WWOX: variants seen among roughly 807,000 people sequenced by gnomAD.
WWOX encodes WW domain containing oxidoreductase, also known as WW domain-containing oxidoreductase.
Under a neutral mutation model 46.2 loss-of-function variants are expected in WWOX, and 69 were observed. That is an observed-to-expected ratio of 1.49 (90% confidence interval 1.23 to 1.82). WWOX has a LOEUF of 1.82. Among genes scored for constraint, WWOX ranks in the 40% most tolerant of loss-of-function variants. The pLI, the probability that WWOX is intolerant of heterozygous loss-of-function variation, is 0.00. For missense variants in WWOX, 919 were observed against 542.6 expected (o/e 1.69, Z -6.89); for synonymous variants, 359 against 202.6 (o/e 1.77, Z -6.56).
chr16:78,756,737 G>C (rs2049658317), intron 8 of WWOX, among the ~76,000 whole-genome samples: 1 of 152,144 alleles, frequency 6.6e-6, no homozygotes, highest in African/African-American at 2.4e-5. Flanking sequence ...GGTGGACAAA[G>C]AATCAAACCT....
intron 5 of WWOX, among the ~76,000 whole-genome samples, chr16:78,194,724 C>T (rs1416005469): frequency 1.3e-5 from 2 of 152,138 alleles, no homozygotes; most frequent in Non-Finnish European, 2.9e-5. Context: ...ACCCCCAACC[C>T]CAAACCCCTA....
At chr16:79,127,399 C>G (rs1337820293) in intron 8 of WWOX, among the ~76,000 whole-genome samples, 1 of 152,128 alleles carries the variant, frequency 6.6e-6, no homozygotes, top group Non-Finnish European at 1.5e-5. Flanking sequence ...TTTTGCTTGA[C>G]AATATATCTT....
rs577577167 is a variant in WWOX at position 79,171,892 on chromosome 16, C to T, written c.1057-39716C>T. ...CACAGAAGCTTTTAAAATCTGAAAT[C>T]CCAGGAAGCTAATTAGTGCATCCTT... On this transcript the variant is annotated intron_variant, in intron 8 of 8. Transcript: ENST00000566780. Among the ~76,000 whole-genome samples the T allele has an allele frequency of 1.2e-4, 19 of 152,214 alleles. No homozygotes were observed. In the South Asian group the frequency reaches 3.9e-3, roughly 32 times the overall value.
At chr16:79,088,166 A>C (rs974333117) in intron 8 of WWOX, among the ~76,000 whole-genome samples, 6 of 152,182 alleles carry the variant, frequency 3.9e-5, no homozygotes, top group African/African-American at 1.4e-4. Flanking sequence ...AGGCCATGCC[A>C]CTGGGCCTCA....
rs75831905 is a variant in WWOX, at chr16:79,164,089, G to T, written c.1057-47519G>T. Among the ~76,000 whole-genome samples the T allele has an allele frequency of 5.2e-3, 787 of 152,252 alleles. 2 individuals carry two copies. The highest frequency in any genetic ancestry group is 0.018 in the African/African-American group (760 of 41,544). On this transcript the variant is annotated intron_variant, in intron 8 of 8. Transcript: ENST00000566780. The stretch of plus-strand genomic sequence containing the variant: ...CACCCATTCAGTTTGCCATATAAAA[G>T]CTTTTCCTCGGTGCCACTTTATGGC...
chr16:78,144,916 G>GT (rs2034147252), intron 4 of WWOX, among the ~76,000 whole-genome samples: 1 of 152,142 alleles, frequency 6.6e-6, no homozygotes, highest in South Asian at 2.1e-4. Context: ...GAGCTCTGCA[G>GT]TTATTTTATT....
At chr16:78,261,788 CTATATATATATA>C (rs71384369) in intron 5 of WWOX, among the ~76,000 whole-genome samples, 2 of 73,746 alleles carry the variant, frequency 2.7e-5, no homozygotes, top group African/African-American at 1.1e-4. Flanking sequence ...ATCTATCTAT[CTATATATATATA>C]TATATATATA....
intron 8 of WWOX, among the ~76,000 whole-genome samples, chr16:78,566,069 T>C (rs557939145): frequency 1.3e-5 from 2 of 152,294 alleles, no homozygotes; most frequent in South Asian, 4.2e-4. Context: ...GGGCACATTC[T>C]GTGCCTGCCT....
chr16:78,155,890 A>T (rs1051544634), intron 4 of WWOX, among the ~76,000 whole-genome samples: 1 of 152,192 alleles, frequency 6.6e-6, no homozygotes, highest in African/African-American at 2.4e-5. Context: ...TAGCATTATT[A>T]AGCTTTTTTT....
intron 5 of WWOX, among the ~76,000 whole-genome samples, chr16:78,170,015 G>T (rs1053198012): frequency 4.6e-5 from 7 of 152,200 alleles, no homozygotes; most frequent in Non-Finnish European, 1.0e-4. Flanking sequence ...GGTATGGGAA[G>T]AGGGGCAGGT....
At chr16:78,483,938 G>A (rs756766212) in intron 8 of WWOX, among the ~76,000 whole-genome samples, 2 of 152,176 alleles carry the variant, frequency 1.3e-5, no homozygotes, top group East Asian at 1.9e-4. Context: ...GACAGAACAC[G>A]TGGCCCCTAG....
At chr16:78,935,216 A>G (rs1350017559) in intron 8 of WWOX, among the ~76,000 whole-genome samples, 1 of 152,192 alleles carries the variant, frequency 6.6e-6, no homozygotes, top group African/African-American at 2.4e-5. Context: ...AGGATCTAGA[A>G]CTAGAAATAC....
intron 8 of WWOX, among the ~76,000 whole-genome samples, chr16:78,911,231 C>G (rs139477447): frequency 3.3e-5 from 5 of 152,080 alleles, no homozygotes; most frequent in Admixed American, 3.3e-4. Context: ...ATTTCCAGAG[C>G]AATTTTGGTG....
chr16:79,180,486 C>T (rs2050888489), intron 8 of WWOX, among the ~76,000 whole-genome samples: 1 of 152,126 alleles, frequency 6.6e-6, no homozygotes, highest in South Asian at 2.1e-4. Context: ...TAACCAGGCT[C>T]AGCTGTGTGT....
intron 5 of WWOX, among the ~76,000 whole-genome samples, chr16:78,173,455 AT>A (rs35394224): frequency 0.18 from 24,473 of 135,786 alleles, 2,120 homozygotes; most frequent in East Asian, 0.22. Flanking sequence ...CACCTGGCTA[AT>A]TTTTTTTTTT....
At chr16:78,127,634 C>G (rs1029928434) in intron 4 of WWOX, among the ~76,000 whole-genome samples, 9 of 151,722 alleles carry the variant, frequency 5.9e-5, no homozygotes, top group African/African-American at 2.2e-4. Flanking sequence ...AACCGTTATA[C>G]CATGCATCAT....
intron 8 of WWOX, among the ~76,000 whole-genome samples, chr16:78,753,504 C>G (rs1055640293): frequency 6.6e-6 from 1 of 151,772 alleles, no homozygotes; most frequent in Non-Finnish European, 1.5e-5. Context: ...TTATAGCCTT[C>G]TTAAATAAAA....
chr16:78,994,532 T>TATCA (rs1317011762), intron 8 of WWOX: 3 of 152,228 alleles, frequency 2.0e-5, no homozygotes, highest in African/African-American at 7.2e-5. Flanking sequence ...GTCTTGTTCT[T>TATCA]ATCAATGAGA....
chr16:78,635,830 T>C (rs547078249), intron 8 of WWOX, among the ~76,000 whole-genome samples: 2 of 152,264 alleles, frequency 1.3e-5, no homozygotes, highest in East Asian at 1.9e-4. Flanking sequence ...ATCTCAGAAG[T>C]TGGCGTTTCC....
Sources: gnomAD v4.1 joint callset for allele counts (sites outside exome capture counted in the v4.1 genomes callset) on GRCh38, gnomAD v4.1.1 for gene constraint, MANE v1.5 for transcripts, NCBI Gene and HGNC (gene_info 2026-07-23, HGNC 2026-07-21) for gene names.